The following USO1 variants were observed in gnomAD, a reference collection of about 807,000 sequenced individuals.
The protein encoded by USO1 is general vesicular transport factor p115.
USO1 carries 57 observed loss-of-function variants against 124.5 expected under a neutral mutation model. That is an observed-to-expected ratio of 0.46 (90% CI 0.37 to 0.57). The LOEUF is 0.57. Among genes scored for constraint, USO1 ranks in the 20% least tolerant of loss-of-function variants. USO1 has a pLI of 0.00. For missense variants in USO1, 900 were observed against 1,040.6 expected (o/e 0.86, Z 1.86); for synonymous variants, 369 against 362.8 (o/e 1.02, Z -0.19).
chr4:75,769,814 A>C (rs1251694064), intron 4 of USO1, among the ~76,000 whole-genome samples: 2 of 151,962 alleles, frequency 1.3e-5, no homozygotes, highest in Non-Finnish European at 2.9e-5. Context: ...CATTAAAGAC[A>C]AATGTAAAAT....
chr4:75,741,949 G>T (rs1212084003), intron 1 of USO1, among the ~76,000 whole-genome samples: 1 of 152,162 alleles, frequency 6.6e-6, no homozygotes, highest in South Asian at 2.1e-4. Flanking sequence ...CCTACACAGG[G>T]CAGGGTCATC....
intron 8 of USO1, among the ~76,000 whole-genome samples, chr4:75,781,875 T>C (rs1258234058): frequency 6.6e-6 from 1 of 152,226 alleles, no homozygotes; most frequent in African/African-American, 2.4e-5. Flanking sequence ...TCAGTCAATA[T>C]GTTTATCAGA....
chr4:75,762,383 C>T (rs578096724), intron 4 of USO1, among the ~76,000 whole-genome samples: 88 of 151,710 alleles, frequency 5.8e-4, no homozygotes, highest in African/African-American at 1.9e-3. Flanking sequence ...AGGATGGTCT[C>T]GATCTCCAGA....
rs1560460223 is a variant in USO1, at chr4:75,801,123, A to G, written c.1909A>G (p.Lys637Glu). ...AIYKSSEEDKKEEEVKKTLEQ... is the reference protein window; with the variant it reads ...AIYKSSEEDKEEEEVKKTLEQ... Reference sequence around the variant, plus strand: ...TTATAAGTCCAGTGAAGAAGATAAAAAAGAAGAAGAGGTGAAAAAAACATT... The same window carrying G: ...TTATAAGTCCAGTGAAGAAGATAAAGAAGAAGAAGAGGTGAAAAAAACATT... The change falls in exon 17 of 24, where the codon AAA (lysine) becomes GAA (glutamate). Residue 637 changes from lysine (K) to glutamate (E), a missense_variant. Transcript: ENST00000514213. 56 of 1,605,650 alleles carry G rather than the reference A, an allele frequency of 3.5e-5. No homozygotes were observed. The highest frequency in any genetic ancestry group is 4.6e-5 in the Non-Finnish European group (54 of 1,175,734).
At chr4:75,741,375 T>C (rs1024125232) in intron 1 of USO1, among the ~76,000 whole-genome samples, 1 of 152,182 alleles carries the variant, frequency 6.6e-6, no homozygotes, top group Non-Finnish European at 1.5e-5. Flanking sequence ...TAAAGTATAC[T>C]TTATAAACAC....
chr4:75,812,209 T>C lies in USO1; in HGVS notation c.2633T>C (p.Leu878Pro). ...GAAAGAACTGCCATTAAAGAGCAGC[T>C]GGATTCATCTAATAGTACCATTGCC... Reference protein sequence around the residue: ...SEERTAIKEQLDSSNSTIAIL... With the variant: ...SEERTAIKEQPDSSNSTIAIL... The change falls in exon 23 of 24, where the codon CTG (leucine) becomes CCG (proline). Residue 878 changes from leucine to proline, a missense_variant. Coordinates refer to ENST00000514213, the MANE Select transcript of USO1 (RefSeq NM_003715.4). The C allele has an allele frequency of 6.2e-7, 1 of 1,610,032 alleles. No individual in the cohort carries two copies. Among genetic ancestry groups the C allele is most frequent in the Non-Finnish European group, 8.5e-7 (1 of 1,178,052 alleles).
At chr4:75,728,440 T>A (rs536154053) in intron 1 of USO1, among the ~76,000 whole-genome samples, 98 of 152,318 alleles carry the variant, frequency 6.4e-4, no homozygotes, top group Middle Eastern at 6.8e-3. Context: ...CTGGCCAAAC[T>A]CCTTTCTGGA....
intron 1 of USO1, among the ~76,000 whole-genome samples, chr4:75,740,633 T>G (rs1485275015): frequency 1.3e-5 from 2 of 152,164 alleles, no homozygotes; most frequent in Non-Finnish European, 2.9e-5. Context: ...CATGGTAACT[T>G]TATAAAACAT....
chr4:75,746,488 T>A (rs757151782), intron 1 of USO1, among the ~76,000 whole-genome samples: 14 of 152,214 alleles, frequency 9.2e-5, no homozygotes, highest in Non-Finnish European at 1.6e-4. Flanking sequence ...AATTTCTGAG[T>A]AGAAACTAAG....
chr4:75,731,887 G>A (rs1272874264), intron 1 of USO1, among the ~76,000 whole-genome samples: 1 of 152,044 alleles, frequency 6.6e-6, no homozygotes, highest in African/African-American at 2.4e-5. Context: ...AATACTGCAA[G>A]CTGTATTACA....
chr4:75,758,817 T>C (rs1370713998), intron 4 of USO1, among the ~76,000 whole-genome samples: 1 of 152,162 alleles, frequency 6.6e-6, no homozygotes, highest in African/African-American at 2.4e-5. Context: ...TAAATGTAAT[T>C]TGGTACCCAT....
Position 75,793,737 on chromosome 4 carries a change from T to TTTTG in USO1, c.1291_1292insGTTT (p.Ser431CysfsTer4). On this transcript the variant is annotated frameshift_variant, in exon 13 of 24. Transcript: ENST00000514213. LOFTEE classifies it high-confidence loss of function. The stretch of plus-strand genomic sequence containing the variant: ...TGGCCAGTTATTATGTGGAGGTTTG[T>TTTTG]TTTCTACTGATTCACTTTCAAACTG... The TTTTG allele has an allele frequency of 6.2e-7, 1 of 1,613,194 alleles. No homozygotes were observed. Among genetic ancestry groups the TTTTG allele is most frequent in the Non-Finnish European group, 8.5e-7 (1 of 1,179,488 alleles).
chr4:75,786,410 T>G (rs1393451650), intron 9 of USO1, among the ~76,000 whole-genome samples: 2 of 152,034 alleles, frequency 1.3e-5, no homozygotes. Context: ...CACATAACTC[T>G]AGTTTTAAAA....
At chr4:75,768,340 G>T (rs1392068335) in intron 4 of USO1, among the ~76,000 whole-genome samples, 1 of 152,130 alleles carries the variant, frequency 6.6e-6, no homozygotes, top group African/African-American at 2.4e-5. Flanking sequence ...CAGTGTTTTG[G>T]AGTTTTCAGA....
rs777609921 is a variant in USO1, at chr4:75,808,972, C to A, written c.2396C>A (p.Ser799Tyr). The part of the protein sequence containing the change: ...ELKQELATLK[S>Y]QLNSQSVEIT... ...TCTTAGGAACTGGCAACTTTAAAGT[C>A]TCAGTTAAACTCACAATCTGTGGAG... The change falls in exon 21 of 24, where the codon TCT becomes TAT. Residue 799 changes from serine to tyrosine, a missense_variant. This residue lies in a region of USO1 where 362 missense variants were observed against 359.0 expected (regional missense o/e 1.01). Transcript: ENST00000514213. 1 of 1,601,420 alleles carries A rather than the reference C, an allele frequency of 6.2e-7. No homozygotes were observed. The highest frequency in any genetic ancestry group is 2.2e-5 in the East Asian group (1 of 44,516).
intron 1 of USO1, among the ~76,000 whole-genome samples, chr4:75,738,865 T>A (rs575917726): frequency 1.0e-3 from 159 of 152,080 alleles, no homozygotes; most frequent in African/African-American, 3.7e-3. Context: ...TTTTGTTTGG[T>A]TTATTTTTTT....
intron 1 of USO1, among the ~76,000 whole-genome samples, chr4:75,738,632 A>G (rs572650686): frequency 3.9e-5 from 6 of 152,006 alleles, no homozygotes; most frequent in Admixed American, 2.0e-4. Flanking sequence ...TGTACAACAC[A>G]ATGCTTGGCT....
In USO1 at chr4:75,741,988, T is replaced by G. The variant is rs754754214; in HGVS notation, c.67-10385T>G. 1.2e-4 allele frequency among the ~76,000 whole-genome samples: 19 copies of G among 152,264 alleles called. No homozygotes were observed. The Middle Eastern group carries it at 0.01, about 82-fold the overall frequency. On this transcript the variant is annotated intron_variant, in intron 1 of 23. Transcript: ENST00000514213. ...ATCACTGTCTTCTACCCTCATCTCT[T>G]GTTCCACTGGAAGGTCTTCAGGGGC...
chr4:75,790,203 C>T lies in USO1; in HGVS notation c.1050C>T (p.Tyr350=). Residue 350 remains tyrosine (Y), a synonymous_variant, in exon 11 of 24, where the codon TAC becomes TAT. Coordinates refer to ENST00000514213, the MANE Select transcript of USO1 (RefSeq NM_003715.4). ...VIRGCQVNQD[Y]FASVNAPSNP... ...GAGGCTGCCAAGTAAACCAAGACTA[C>T]TTTGCATCTGTAAATGCACCTTCAA... 1 of 1,603,832 alleles carries T rather than the reference C, an allele frequency of 6.2e-7. No individual in the cohort carries two copies. Among genetic ancestry groups the T allele is most frequent in the Non-Finnish European group, 8.5e-7 (1 of 1,175,020 alleles).
Sources: gnomAD v4.1 joint callset for allele counts (sites outside exome capture counted in the v4.1 genomes callset) on GRCh38, gnomAD v4.1.1 for gene constraint, gnomAD v4.1.1 regional missense constraint, MANE v1.5 for transcripts, NCBI Gene and HGNC (gene_info 2026-07-23, HGNC 2026-07-21) for gene names.